Variants in TASP1 observed in about 807,000 individuals in gnomAD.
TASP1 encodes taspase 1, also known as threonine aspartase 1.
In TASP1, 16 loss-of-function variants were observed where a neutral mutation model predicts 56.6. The ratio of observed to expected loss-of-function variants is 0.28; its 90% CI spans 0.19 to 0.43. The LOEUF (loss-of-function observed/expected upper bound fraction) is 0.43. TASP1 is among the 20% of genes least tolerant of loss of function. TASP1 has a pLI of 1.00. For synonymous variants in TASP1, 179 were observed against 184.2 expected, an observed-to-expected ratio of 0.97 and a Z score of 0.23; for missense variants, 393 against 511.6, an observed-to-expected ratio of 0.77 and a Z score of 2.24.
chr20:13,420,682 G>A (rs1683376456), intron 12 of TASP1, among the ~76,000 whole-genome samples: 2 of 152,204 alleles, frequency 1.3e-5, no homozygotes, highest in South Asian at 4.1e-4. Flanking sequence ...AGGACAAGGA[G>A]CAGCTAACAC....
the TASP1 span, among the ~76,000 whole-genome samples, chr20:13,229,042 T>A: frequency 6.6e-6 from 1 of 152,162 alleles, no homozygotes; most frequent in South Asian, 2.1e-4. Flanking sequence ...CTAAATTCTA[T>A]AGCCTCTTTT....
the TASP1 span, among the ~76,000 whole-genome samples, chr20:13,316,031 T>C: frequency 6.6e-6 from 1 of 151,866 alleles, no homozygotes; most frequent in Non-Finnish European, 1.5e-5. Flanking sequence ...GGTAAATAAA[T>C]TCAATAAGCT....
chr20:13,287,472 T>C, the TASP1 span, among the ~76,000 whole-genome samples: 92 of 152,190 alleles, frequency 6.0e-4, 1 homozygote, highest in East Asian at 0.015. Flanking sequence ...AGCCAAACCA[T>C]ATCAATAGGG....
intron 8 of TASP1, among the ~76,000 whole-genome samples, chr20:13,547,171 A>T (rs978523058): frequency 6.6e-6 from 1 of 152,208 alleles, no homozygotes; most frequent in Non-Finnish European, 1.5e-5. Flanking sequence ...GCTTCTATGG[A>T]CATACACAAA....
chr20:13,299,538 G>A, the TASP1 span: 22 of 1,308,476 alleles, frequency 1.7e-5, 1 homozygote, highest in Non-Finnish European at 1.6e-5. The surrounding 1 kb of genome is among the most constrained non-coding windows in gnomAD (Gnocchi z 5.8). Context: ...GACTGGCGCC[G>A]AGACCTTCAT....
At chr20:13,230,682 G>A in the TASP1 span, among the ~76,000 whole-genome samples, 2 of 151,674 alleles carry the variant, frequency 1.3e-5, no homozygotes, top group African/African-American at 4.9e-5. Flanking sequence ...TGGGATGGGG[G>A]TGTCGGTTTA....
the TASP1 span, among the ~76,000 whole-genome samples, chr20:13,330,850 T>C: frequency 6.6e-6 from 1 of 152,174 alleles, no homozygotes; most frequent in Non-Finnish European, 1.5e-5. Context: ...GCAGAGTCTG[T>C]ATCTTTTATT....
At chr20:13,229,174 T>A in the TASP1 span, among the ~76,000 whole-genome samples, 1 of 152,234 alleles carries the variant, frequency 6.6e-6, no homozygotes, top group East Asian at 1.9e-4. Flanking sequence ...TAAAGTTTTT[T>A]AAAACTACAT....
the TASP1 span, among the ~76,000 whole-genome samples, chr20:13,377,327 C>T: frequency 0.63 from 95,663 of 152,104 alleles, 30,368 homozygotes; most frequent in Non-Finnish European, 0.67. Flanking sequence ...TCTGTTGAGA[C>T]AATCATGTGG....
the TASP1 span, among the ~76,000 whole-genome samples, chr20:13,254,234 AAAAT>A: frequency 1.2e-4 from 18 of 150,722 alleles, no homozygotes; most frequent in African/African-American, 3.9e-4. Context: ...CTCCATCTCA[AAAAT>A]AAATAAATAA....
chr20:13,528,390 C>A (rs1601133162), intron 10 of TASP1, 43 bp downstream of exon 10: 1 of 1,538,140 alleles, frequency 6.5e-7, no homozygotes, highest in Admixed American at 1.8e-5. Flanking sequence ...AAATGATTGA[C>A]AAGGTTGAAG....
chr20:13,270,359 G>A, the TASP1 span: 2 of 853,564 alleles, frequency 2.3e-6, no homozygotes, highest in Admixed American at 2.8e-5. Flanking sequence ...TAAACCATGG[G>A]TTTGCAAAAC....
chr20:13,517,105 G>A (rs1424299552), intron 10 of TASP1, among the ~76,000 whole-genome samples: 1 of 152,090 alleles, frequency 6.6e-6, no homozygotes, highest in Admixed American at 6.6e-5. Context: ...CTAGGTGAAT[G>A]GATGCAGCAG....
intron 10 of TASP1, among the ~76,000 whole-genome samples, chr20:13,500,909 T>C (rs2043922274): frequency 6.6e-6 from 1 of 151,984 alleles, no homozygotes; most frequent in Non-Finnish European, 1.5e-5. Flanking sequence ...CCAAAATGGA[T>C]AATGCAAATA....
At chr20:13,626,138 C>T (rs987974438) in intron 2 of TASP1, among the ~76,000 whole-genome samples, 2 of 152,112 alleles carry the variant, frequency 1.3e-5, no homozygotes, top group African/African-American at 4.8e-5. Context: ...AGAAATACAC[C>T]TCTAGGCCAA....
At chr20:13,617,511 T>C (rs1250636050) in intron 4 of TASP1, among the ~76,000 whole-genome samples, 1 of 152,082 alleles carries the variant, frequency 6.6e-6, no homozygotes, top group Non-Finnish European at 1.5e-5. Context: ...CTTACGTAAA[T>C]GTGAGCTAAA....
rs189200981 is a variant in TASP1, at chr20:13,457,016, C to T, written c.986-21862G>A. Among the ~76,000 whole-genome samples the T allele has an allele frequency of 1.4e-4, 22 of 152,008 alleles. No individual in the cohort carries two copies. In the East Asian group the frequency reaches 4.3e-3, roughly 30 times the overall value. On this transcript the variant is annotated intron_variant, in intron 11 of 13. Coordinates refer to ENST00000337743, the MANE Select transcript of TASP1 (RefSeq NM_017714.3). ...AACCATCATTCTCAGCAAACTATCACAAGGACAGAAAACCAAACACCGCAT... is the reference window on the plus strand; with the variant it reads ...AACCATCATTCTCAGCAAACTATCATAAGGACAGAAAACCAAACACCGCAT...
chr20:13,376,771 T>C, the TASP1 span, among the ~76,000 whole-genome samples: 2 of 152,168 alleles, frequency 1.3e-5, no homozygotes, highest in African/African-American at 4.8e-5. Context: ...TGGCTTGTAG[T>C]TTTCCTTGAA....
chr20:13,110,298 C>A, the TASP1 span: 1 of 1,167,524 alleles, frequency 8.6e-7, no homozygotes, highest in Non-Finnish European at 1.2e-6. Context: ...CCTTTCCTAG[C>A]TAAACAGAGA....
Sources: allele counts gnomAD v4.1 joint callset (sites outside exome capture counted in the v4.1 genomes callset), GRCh38; gene constraint gnomAD v4.1.1; non-coding constraint Gnocchi (gnomAD v3.1); transcripts MANE v1.5; gene names NCBI Gene and HGNC (gene_info 2026-07-23, HGNC 2026-07-21).